RAP1GAP: variants seen among roughly 807,000 people sequenced by gnomAD.
RAP1GAP encodes RAP1 GTPase activating protein.
A neutral mutation model predicts 87.2 loss-of-function variants in RAP1GAP; 35 were observed. The ratio of observed to expected loss-of-function variants is 0.40; its 90% CI spans 0.31 to 0.53. RAP1GAP has a LOEUF of 0.53. RAP1GAP is among the 20% of genes least tolerant of loss of function. The pLI is 0.48. For missense variants in RAP1GAP, 734 were observed against 898.9 expected, an observed-to-expected ratio of 0.82 and a Z score of 2.35; for synonymous variants, 375 against 363.9, an observed-to-expected ratio of 1.03 and a Z score of -0.35.
At chr1:21,664,795 G>A (rs529681718) in intron 1 of RAP1GAP, among the ~76,000 whole-genome samples, 1 of 152,152 alleles carries the variant, frequency 6.6e-6, no homozygotes, top group Non-Finnish European at 1.5e-5. Context: ...TTTTAGAAAA[G>A]ATTTTTCTCC....
At chr1:21,600,566 G>A (rs1335309801) in intron 20 of RAP1GAP, among the ~76,000 whole-genome samples, 1 of 152,142 alleles carries the variant, frequency 6.6e-6, no homozygotes, top group Non-Finnish European at 1.5e-5. Context: ...ATCCTCCCAA[G>A]GTTCCCTGTC....
chr1:21,619,196 G>T, intron 4 of RAP1GAP, 124 bp from the exon 5 acceptor site: 1 of 1,031,846 alleles, frequency 9.7e-7, no homozygotes, highest in Non-Finnish European at 1.4e-6. Flanking sequence ...TACTCCCAGG[G>T]CAGGGTGCTA....
rs777437088 is a variant in RAP1GAP at position 21,603,790 on chromosome 1, C to A, written c.1429-877G>T. ...CGTCCTGAGAGCGAGCAGAGAACAG[C>A]GCGTGCAGGCAGCCTCCAGAGCCGG... On this transcript the variant is annotated intron_variant, in intron 18 of 24. Transcript: ENST00000374765. This position sits in a 1 kb window ranked among gnomAD's most constrained non-coding sequence, Gnocchi z 6.0. 1.3e-6 allele frequency: 2 copies of A among 1,557,486 alleles called. No individual in the cohort carries two copies. The highest frequency in any genetic ancestry group is 2.7e-5 in the African/African-American group (2 of 73,640).
At chr1:21,618,467 A>G (rs2083875694) in intron 5 of RAP1GAP, among the ~76,000 whole-genome samples, 1 of 152,058 alleles carries the variant, frequency 6.6e-6, no homozygotes, top group African/African-American at 2.4e-5. Flanking sequence ...ATGCTAAGAA[A>G]AGTGGGTCAA....
Position 21,634,850 on chromosome 1 carries a change from C to T in RAP1GAP, c.-112-8453G>A. ...CTGACCCTTCCCACCCCACCGAGGACTTCAGTGTGGACTGACTCCTCCCCT... is the reference window on the plus strand; with the variant it reads ...CTGACCCTTCCCACCCCACCGAGGATTTCAGTGTGGACTGACTCCTCCCCT... On this transcript the variant is annotated intron_variant, in intron 2 of 24. Coordinates refer to ENST00000374765, the MANE Select transcript of RAP1GAP (RefSeq NM_002885.4). The surrounding 1 kb of genome is among the most constrained non-coding windows in gnomAD (Gnocchi z 4.1). 3.1e-6 allele frequency: 1 copy of T among 322,476 alleles called. No individual in the cohort carries two copies. Among genetic ancestry groups the T allele is most frequent in the South Asian group, 2.3e-5 (1 of 43,154 alleles). The allele number at this position is 322,476 out of a possible 1,614,324, so 20.0% of individuals were successfully genotyped here. A position where few individuals can be genotyped will look rare whatever the true frequency, so the allele number is the denominator to read the frequency against.
At chr1:21,662,974 TC>T (rs778773322) in intron 1 of RAP1GAP, among the ~76,000 whole-genome samples, 2 of 151,964 alleles carry the variant, frequency 1.3e-5, no homozygotes, top group East Asian at 3.9e-4. Flanking sequence ...CCATCATGCC[TC>T]CCCCCATCCA....
chr1:21,637,145 CTT>C (rs869047762), intron 2 of RAP1GAP, among the ~76,000 whole-genome samples: 24 of 128,482 alleles, frequency 1.9e-4, no homozygotes, highest in Non-Finnish European at 2.0e-4. Context: ...TCTTTTTTTT[CTT>C]TTTTTTTTTT....
Position 21,614,161 on chromosome 1 carries a change from G to A in RAP1GAP, c.292-72C>T, listed in dbSNP as rs2080361057. 6 of 1,045,108 alleles carry A rather than the reference G, an allele frequency of 5.7e-6. 1 individual carries two copies. The Admixed American group carries it at 6.3e-5, about 11-fold the overall frequency. 64.7% of individuals were successfully genotyped at this position (1,045,108 alleles called of 1,614,324 possible). A position where few individuals can be genotyped will look rare whatever the true frequency, so the allele number is the denominator to read the frequency against. Reference sequence around the variant, plus strand: ...GGGCTTTTGGAAACAAGGCCAGAAAGCCAACCCACTCCCAGATGCAGGTCC... The same window carrying A: ...GGGCTTTTGGAAACAAGGCCAGAAAACCAACCCACTCCCAGATGCAGGTCC... On this transcript the variant is annotated intron_variant, in intron 7 of 24. Coordinates refer to ENST00000374765, the MANE Select transcript of RAP1GAP (RefSeq NM_002885.4).
chr1:21,611,888 C>A, intron 11 of RAP1GAP, 72 bp from the exon 12 acceptor site: 1 of 1,520,360 alleles, frequency 6.6e-7, no homozygotes, highest in Admixed American at 1.7e-5. Context: ...CTACTTGGAC[C>A]CAGAGAGGGC....
chr1:21,616,536 C>T (rs1048481962), intron 7 of RAP1GAP, among the ~76,000 whole-genome samples: 4 of 152,228 alleles, frequency 2.6e-5, no homozygotes, highest in Non-Finnish European at 5.9e-5. Context: ...ACACATGCCA[C>T]GAGGCTCCAG....
chr1:21,642,875 TACACACAC>T (rs61497285), intron 2 of RAP1GAP, among the ~76,000 whole-genome samples: 92 of 134,304 alleles, frequency 6.9e-4, no homozygotes, highest in East Asian at 2.4e-3. Flanking sequence ...CCTTCCCCAC[TACACACAC>T]ACACACACAC....
rs77539762 is a variant in RAP1GAP at position 21,619,037 on chromosome 1, C to T, written c.54G>A (p.Pro18=). 0.035 allele frequency: 56,461 copies of T among 1,600,750 alleles called. 1,489 individuals are homozygous for T. Among genetic ancestry groups the T allele is most frequent in the African/African-American group, 0.13 (9,985 of 74,802 alleles). ...SRMDEQRCSF[P]PPLKTEEDYI... is the part of the protein sequence containing the mutation. ...CAGGCCCACCTACTTTGAGGGGCGG[C>T]GGGAAGGAGCAGCGTTGTTCATCCA... The change falls in exon 5 of 25, where the codon CCG becomes CCA. Residue 18 remains proline (P), a synonymous_variant. Transcript: ENST00000374765.
Position 21,611,741 on chromosome 1 carries a change from T to C in RAP1GAP, c.688A>G (p.Lys230Glu). Residue 230 changes from lysine (K) to glutamate (E), a missense_variant, in exon 12 of 25, where the codon AAG becomes GAG. By Grantham distance (56) the Lys-to-Glu change is moderately conservative. Around this residue, in one of 2 missense-constraint regions of RAP1GAP, gnomAD observed 485 missense variants for 646.2 expected, o/e 0.75. Coordinates refer to ENST00000374765, the MANE Select transcript of RAP1GAP (RefSeq NM_002885.4). ...FVEFLEFLGQKVKLQDFKGFR... is the reference protein window; with the variant it reads ...FVEFLEFLGQEVKLQDFKGFR... ...CCCTTAAAGTCCTGCAGTTTGACCT[T>C]CTGGCCAAGAAATTCAAGGAACTCC... 1 of 1,613,710 alleles carries C rather than the reference T, an allele frequency of 6.2e-7. No homozygotes were observed. The highest frequency in any genetic ancestry group is 8.5e-7 in the Non-Finnish European group (1 of 1,179,592).
At chr1:21,616,136 AACACACACACACACAC>A (rs58644324) in intron 7 of RAP1GAP, among the ~76,000 whole-genome samples, 8,861 of 126,838 alleles carry the variant, frequency 0.07, 415 homozygotes, top group East Asian at 0.2. Flanking sequence ...CCCTCTTCCC[AACACACACACACACAC>A]ACACACACAC....
intron 2 of RAP1GAP, among the ~76,000 whole-genome samples, chr1:21,641,907 C>T (rs946100391): frequency 3.3e-5 from 5 of 152,176 alleles, no homozygotes; most frequent in East Asian, 1.9e-4. Flanking sequence ...CACTTGGGTC[C>T]GAGGCATGTG....
intron 7 of RAP1GAP, 21 bp from the exon 8 acceptor site, chr1:21,614,110 CA>C (rs1558688213): frequency 6.6e-7 from 1 of 1,525,744 alleles, no homozygotes; most frequent in Non-Finnish European, 9.0e-7. Context: ...AGGTGGGGGC[CA>C]GGGGAGTGGG....
intron 2 of RAP1GAP, among the ~76,000 whole-genome samples, chr1:21,631,642 C>T (rs1190215535): frequency 5.9e-5 from 9 of 152,098 alleles, no homozygotes; most frequent in African/African-American, 1.4e-4. Context: ...GCCGAGATTG[C>T]GCCATTGCAC....
chr1:21,616,116 A>G (rs867241737), intron 7 of RAP1GAP, among the ~76,000 whole-genome samples: 72 of 143,714 alleles, frequency 5.0e-4, no homozygotes, highest in African/African-American at 1.6e-3. Context: ...CGAACCCCCA[A>G]GGAGTCACCC....
intron 16 of RAP1GAP, 110 bp downstream of exon 16, chr1:21,608,740 C>T: frequency 9.1e-7 from 1 of 1,099,312 alleles, no homozygotes; most frequent in South Asian, 1.4e-5. Context: ...CCCAGGTGTC[C>T]CCGCTAAGGC....
Sources: gnomAD v4.1 joint callset for allele counts (sites outside exome capture counted in the v4.1 genomes callset) on GRCh38, gnomAD v4.1.1 for gene constraint, gnomAD v4.1.1 regional missense constraint, Gnocchi (gnomAD v3.1) non-coding constraint, MANE v1.5 for transcripts, NCBI Gene and HGNC (gene_info 2026-07-23, HGNC 2026-07-21) for gene names.